Variants in ICE1 observed in about 807,000 individuals in gnomAD.
ICE1 encodes the protein interactor of little elongation complex ELL subunit 1.
Under a neutral mutation model 192.7 loss-of-function variants are expected in ICE1, and 64 were observed. The ratio of observed to expected loss-of-function variants is 0.33; its 90% CI spans 0.27 to 0.41. The LOEUF is 0.41. Among genes scored for constraint, ICE1 ranks in the 10% least tolerant of loss-of-function variants. The pLI is 1.00. For missense variants in ICE1, 2,708 were observed against 2,696.0 expected (o/e 1.00, Z -0.10); for synonymous variants, 1,010 against 984.5 (o/e 1.03, Z -0.49).
At chr5:5,437,161 G>A (rs765779064) in intron 3 of ICE1, 47 bp downstream of exon 3, 4 of 1,384,242 alleles carry the variant, frequency 2.9e-6, no homozygotes, top group Non-Finnish European at 4.0e-6. Flanking sequence ...ACTAACTTAT[G>A]TTTAATTCCT....
chr5:5,467,299 G>C (rs1739016419), intron 14 of ICE1, among the ~76,000 whole-genome samples: 1 of 152,192 alleles, frequency 6.6e-6, no homozygotes, highest in Non-Finnish European at 1.5e-5. Flanking sequence ...CTTGTCCAGT[G>C]GGACTGACAG....
chr5:5,446,679 T>C (rs1738234416), intron 7 of ICE1, among the ~76,000 whole-genome samples: 1 of 152,212 alleles, frequency 6.6e-6, no homozygotes, highest in South Asian at 2.1e-4. Context: ...ATTTTTCGTG[T>C]ATAAAAAGTA....
At chr5:5,457,051 A>G (rs1003973328) in intron 11 of ICE1, among the ~76,000 whole-genome samples, 27 of 152,138 alleles carry the variant, frequency 1.8e-4, no homozygotes, top group African/African-American at 6.0e-4. Context: ...GCCCGTTTTC[A>G]TGGCTGTGGA....
chr5:5,464,879 C>A lies in ICE1; in HGVS notation c.5545C>A (p.Arg1849Ser). The change falls in exon 13 of 19, where the codon CGC (arginine) becomes AGC (serine). Residue 1849 changes from arginine (R) to serine (S), a missense_variant. Around this residue, in one of 2 missense-constraint regions of ICE1, gnomAD observed 2,366 missense variants for 2,276.6 expected, o/e 1.04. Transcript: ENST00000296564. This position sits in a 1 kb window ranked among gnomAD's most constrained non-coding sequence, Gnocchi z 4.0. ...TACACTGAGAAGTGCTAAAAGACTG[C>A]GCCTGGACACTGGGTCCCCAGAACC... is the stretch of plus-strand genomic sequence containing the variant. ...TSTLRSAKRL[R>S]LDTGSPEPET... 6.2e-7 allele frequency: 1 copy of A among 1,613,050 alleles called. No homozygotes were observed. Among genetic ancestry groups the A allele is most frequent in the South Asian group, 1.1e-5 (1 of 90,878 alleles).
chr5:5,444,416 A>G (rs1738146716), intron 7 of ICE1, 90 bp downstream of exon 7: 6 of 913,460 alleles, frequency 6.6e-6, no homozygotes, highest in Non-Finnish European at 1.0e-5. Context: ...CAAATAGTTG[A>G]ATTGTTATGG....
rs1377913475 is a variant in ICE1 at position 5,424,105 on chromosome 5, A to G, written c.84+1106A>G. Among the ~76,000 whole-genome samples the G allele has an allele frequency of 3.9e-5, 6 of 152,308 alleles. No individual in the cohort carries two copies. The South Asian group carries it at 1.0e-3, about 26-fold the overall frequency. ...AAAGGTTCCTTTGGTGAGAAGGAGC[A>G]GGGTGTCTTTGATGAGCAGAACATG... On this transcript the variant is annotated intron_variant, in intron 1 of 18. Transcript: ENST00000296564.
intron 1 of ICE1, among the ~76,000 whole-genome samples, chr5:5,425,426 G>C (rs531507795): frequency 6.6e-6 from 1 of 152,332 alleles, no homozygotes; most frequent in Non-Finnish European, 1.5e-5. Context: ...ACAAAGAAAT[G>C]AGTATGCCTG....
chr5:5,473,730 C>A lies in ICE1; in HGVS notation c.6395C>A (p.Thr2132Lys). The change falls in exon 16 of 19, where the codon ACG (threonine) becomes AAG (lysine). Residue 2132 changes from threonine (T) to lysine (K), a missense_variant. Thr to Lys is a moderately conservative substitution (Grantham distance 78, BLOSUM62 -1). Around this residue, in one of 2 missense-constraint regions of ICE1, gnomAD observed 342 missense variants for 419.3 expected, o/e 0.82. Coordinates refer to ENST00000296564, the MANE Select transcript of ICE1 (RefSeq NM_015325.3). The part of the protein sequence containing the change: ...LLCCHQKWIW[T>K]HDNIISKELW... ...TGCTGCCATCAGAAATGGATCTGGACGCATGATAACATCATAAGGTTAGTT... is the reference window on the plus strand; with the variant it reads ...TGCTGCCATCAGAAATGGATCTGGAAGCATGATAACATCATAAGGTTAGTT... 6.3e-7 allele frequency: 1 copy of A among 1,597,066 alleles called. No homozygotes were observed. Among genetic ancestry groups the A allele is most frequent in the Non-Finnish European group, 8.5e-7 (1 of 1,174,548 alleles).
At chr5:5,450,544 G>A (rs1388391673) in intron 10 of ICE1, among the ~76,000 whole-genome samples, 1 of 152,130 alleles carries the variant, frequency 6.6e-6, no homozygotes, top group African/African-American at 2.4e-5. Context: ...CCTGAGCAGA[G>A]AACACATGGA....
Position 5,422,826 on chromosome 5 carries a change from G to T in ICE1, c.-90G>T. 1.0e-6 allele frequency: 1 copy of T among 975,868 alleles called. No individual in the cohort carries two copies. Among genetic ancestry groups the T allele is most frequent in the African/African-American group, 1.7e-5 (1 of 58,768 alleles). The allele number at this position is 975,868 out of a possible 1,614,324, so 60.5% of individuals were successfully genotyped here. A position where few individuals can be genotyped will look rare whatever the true frequency, so the allele number is the denominator to read the frequency against. ...CCTGGCGGGAAGCGGCCTGGCAGGC[G>T]GCGGCCCCGGCGGCATCAGCAGAGA... is the stretch of plus-strand genomic sequence containing the variant. On this transcript the variant is annotated 5_prime_UTR_variant, in exon 1 of 19. Coordinates refer to ENST00000296564, the MANE Select transcript of ICE1 (RefSeq NM_015325.3).
chr5:5,472,077 G>A (rs1240995940), intron 15 of ICE1, among the ~76,000 whole-genome samples: 2 of 152,112 alleles, frequency 1.3e-5, no homozygotes, highest in African/African-American at 4.8e-5. Flanking sequence ...ATGAATGTTA[G>A]TTAACTCATG....
chr5:5,466,275 T>A, intron 13 of ICE1, 59 bp from the exon 14 acceptor site: 2 of 1,427,578 alleles, frequency 1.4e-6, no homozygotes. Context: ...AGATAATCTT[T>A]GGTAGGCTGA....
intron 10 of ICE1, among the ~76,000 whole-genome samples, chr5:5,453,519 A>G (rs903390102): frequency 7.9e-5 from 12 of 152,156 alleles, no homozygotes; most frequent in African/African-American, 2.7e-4. Context: ...AACTGGAGTA[A>G]AGATTTCACT....
In ICE1 at chr5:5,461,242, G is replaced by C; in HGVS notation, c.1908G>C (p.Leu636Phe). The change falls in exon 13 of 19, where the codon TTG becomes TTC. Residue 636 changes from leucine (L) to phenylalanine (F), a missense_variant. Coordinates refer to ENST00000296564, the MANE Select transcript of ICE1 (RefSeq NM_015325.3). ...IETSFSSSSTLVALSVGSNPQ... is the reference protein window; with the variant it reads ...IETSFSSSSTFVALSVGSNPQ... ...CCAGTTTTTCTTCCTCTTCTACCTT[G>C]GTAGCATTGTCTGTTGGCAGTAATC... The C allele has an allele frequency of 1.2e-6, 2 of 1,613,978 alleles. No homozygotes were observed. Among genetic ancestry groups the C allele is most frequent in the African/African-American group, 1.3e-5 (1 of 75,044 alleles).
chr5:5,449,299 C>T (rs1289162955), intron 10 of ICE1, among the ~76,000 whole-genome samples: 4 of 151,978 alleles, frequency 2.6e-5, no homozygotes, highest in Non-Finnish European at 5.9e-5. Context: ...ATGGGTTTAT[C>T]CTTACTTCTT....
intron 1 of ICE1, among the ~76,000 whole-genome samples, chr5:5,426,850 T>C (rs1335738650): frequency 6.6e-6 from 1 of 152,228 alleles, no homozygotes; most frequent in Admixed American, 6.5e-5. Context: ...AATTAAACTT[T>C]CGTGTGAGAG....
At chr5:5,432,091 G>A (rs114935028) in intron 1 of ICE1, among the ~76,000 whole-genome samples, 2,199 of 151,928 alleles carry the variant, frequency 0.014, 51 homozygotes, top group African/African-American at 0.05. Context: ...ATACAATTCA[G>A]TTCAATTCAC....
intron 16 of ICE1, among the ~76,000 whole-genome samples, chr5:5,475,293 A>T (rs2111398697): frequency 6.6e-6 from 1 of 152,300 alleles, no homozygotes; most frequent in South Asian, 2.1e-4. Flanking sequence ...ACATCCATAG[A>T]TAGTAGGGAG....
intron 10 of ICE1, among the ~76,000 whole-genome samples, chr5:5,450,423 G>A (rs1003750599): frequency 1.3e-5 from 2 of 152,144 alleles, no homozygotes; most frequent in Admixed American, 6.5e-5. Flanking sequence ...AAAATAACAA[G>A]ATTTGGAGGA....
Sources: gnomAD v4.1 joint callset for allele counts (sites outside exome capture counted in the v4.1 genomes callset) on GRCh38, gnomAD v4.1.1 for gene constraint, gnomAD v4.1.1 regional missense constraint, Gnocchi (gnomAD v3.1) non-coding constraint, MANE v1.5 for transcripts, NCBI Gene and HGNC (gene_info 2026-07-23, HGNC 2026-07-21) for gene names.